The following PTP4A3 variants were observed in gnomAD, a reference collection of about 807,000 sequenced individuals.
The protein encoded by PTP4A3 is protein tyrosine phosphatase type IVA 3.
A neutral mutation model predicts 15.2 loss-of-function variants in PTP4A3; 9 were observed. That is an observed-to-expected ratio of 0.59 (90% CI 0.36 to 1.03). PTP4A3 has a LOEUF of 1.03. PTP4A3 is among the 50% of genes least tolerant of loss of function. PTP4A3 has a pLI of 0.02. For synonymous variants in PTP4A3, 95 were observed against 102.0 expected (o/e 0.93, Z 0.41); for missense variants, 234 against 252.1 (o/e 0.93, Z 0.49).
intron 1 of PTP4A3, among the ~76,000 whole-genome samples, chr8:141,405,525 T>C (rs1461616713): frequency 6.6e-6 from 1 of 152,190 alleles, no homozygotes; most frequent in Non-Finnish European, 1.5e-5. Context: ...CCTTTCTTCA[T>C]CCTCAGCATC....
At chr8:141,424,814 G>A (rs913319877) in intron 2 of PTP4A3, among the ~76,000 whole-genome samples, 2 of 152,072 alleles carry the variant, frequency 1.3e-5, no homozygotes, top group African/African-American at 4.8e-5. Flanking sequence ...ACTGCATCAG[G>A]GTCTGCCTGG....
chr8:141,417,691 C>T (rs1044143066), intron 1 of PTP4A3, among the ~76,000 whole-genome samples: 2 of 152,118 alleles, frequency 1.3e-5, no homozygotes, highest in South Asian at 4.1e-4. Flanking sequence ...GGGTCCCGGG[C>T]GGCAGCGCCC....
At chr8:141,398,086 T>C (rs961759697) in intron 1 of PTP4A3, among the ~76,000 whole-genome samples, 2 of 152,036 alleles carry the variant, frequency 1.3e-5, no homozygotes, top group African/African-American at 4.8e-5. Context: ...GGCCCAGTGG[T>C]GTTGGGATGG....
At chr8:141,421,104 C>T (rs926916361) in intron 1 of PTP4A3, among the ~76,000 whole-genome samples, 1 of 152,188 alleles carries the variant, frequency 6.6e-6, no homozygotes, top group Non-Finnish European at 1.5e-5. Context: ...GTGTGTGTGT[C>T]CCTGAAATCC....
At chr8:141,408,356 C>T (rs1328411412) in intron 1 of PTP4A3, among the ~76,000 whole-genome samples, 3 of 152,234 alleles carry the variant, frequency 2.0e-5, no homozygotes, top group Admixed American at 6.5e-5. Context: ...TGGTGGCTCA[C>T]GCCTGTAATC....
chr8:141,430,199 G>A (rs1282836567), intron 5 of PTP4A3, among the ~76,000 whole-genome samples: 1 of 150,098 alleles, frequency 6.7e-6, no homozygotes, highest in African/African-American at 2.5e-5. Context: ...AGGACCAGGT[G>A]GCGGGGACAG....
rs548133419 is a variant in PTP4A3 at position 141,411,703 on chromosome 8, G to A, written c.-853-9685G>A. On this transcript the variant is annotated intron_variant, in intron 1 of 5. Coordinates refer to ENST00000521578, the MANE Select transcript of PTP4A3 (RefSeq NM_032611.3). Reference sequence around the variant, plus strand: ...TCTGACGTGCGTCCACTAGAGCCTCGGCCAGTGGCCCTGGCTAGCTCCATG... The same window carrying A: ...TCTGACGTGCGTCCACTAGAGCCTCAGCCAGTGGCCCTGGCTAGCTCCATG... Among the ~76,000 whole-genome samples the A allele has an allele frequency of 1.2e-4, 19 of 152,244 alleles. 1 individual carries two copies. In the South Asian group the frequency reaches 3.7e-3, roughly 30 times the overall value.
At chr8:141,402,684 C>T (rs1264564893) in intron 1 of PTP4A3, among the ~76,000 whole-genome samples, 6 of 151,950 alleles carry the variant, frequency 3.9e-5, no homozygotes, top group Admixed American at 6.5e-5. Context: ...ACCCCTCTTC[C>T]CCTCCCCCAT....
intron 2 of PTP4A3, among the ~76,000 whole-genome samples, chr8:141,424,302 C>T (rs915943637): frequency 3.3e-5 from 5 of 152,194 alleles, no homozygotes; most frequent in African/African-American, 1.2e-4. Context: ...AGTGGATCCT[C>T]CGCAGTGGGG....
chr8:141,425,246 C>T lies in PTP4A3; in HGVS notation c.198+106C>T, dbSNP rs1327990090. The T allele has an allele frequency of 7.7e-6, 9 of 1,173,710 alleles. No homozygotes were observed. Among genetic ancestry groups the T allele is most frequent in the African/African-American group, 1.5e-5 (1 of 66,028 alleles). 72.7% of individuals were successfully genotyped at this position (1,173,710 alleles called of 1,614,324 possible). On this transcript the variant is annotated intron_variant, in intron 3 of 5. Coordinates refer to ENST00000521578, the MANE Select transcript of PTP4A3 (RefSeq NM_032611.3). This position sits in a 1 kb window ranked among gnomAD's most constrained non-coding sequence, Gnocchi z 4.2. Reference sequence around the variant, plus strand: ...GGTTTGGTGCCCCTCCTGTGGCAGCCCTGGGCATGTCTGTGCCTGGGCCAC... The same window carrying T: ...GGTTTGGTGCCCCTCCTGTGGCAGCTCTGGGCATGTCTGTGCCTGGGCCAC...
chr8:141,396,821 G>A (rs941036084), intron 1 of PTP4A3, among the ~76,000 whole-genome samples: 1 of 152,214 alleles, frequency 6.6e-6, no homozygotes, highest in Admixed American at 6.5e-5. Flanking sequence ...GGGGCTGCAT[G>A]TGTGGAGCCG....
rs147816512 is a variant in PTP4A3, at chr8:141,406,576, A to G, written c.-854+14492A>G. 3.4e-4 allele frequency among the ~76,000 whole-genome samples: 51 copies of G among 151,264 alleles called. No individual in the cohort carries two copies. Among genetic ancestry groups the G allele is most frequent in the African/African-American group, 1.1e-3 (45 of 41,114 alleles). Reference sequence around the variant, plus strand: ...CTGCTCTGTTGGACCAATTAGGCCAACTCTGGGGATATGTGACCCCAGTGT... The same window carrying G: ...CTGCTCTGTTGGACCAATTAGGCCAGCTCTGGGGATATGTGACCCCAGTGT... On this transcript the variant is annotated intron_variant, in intron 1 of 5. Transcript: ENST00000521578. This position sits in a 1 kb window ranked among gnomAD's most constrained non-coding sequence, Gnocchi z 4.5.
chr8:141,430,910 T>G lies in PTP4A3; in HGVS notation c.405-17T>G. On this transcript the variant is annotated splice_polypyrimidine_tract_variant and intron_variant, in intron 5 of 5. Transcript: ENST00000521578. ...CAGGTCCTTGGATGATCTCTGTTCC[T>G]GTTCCCCTCTTCCCAGGAAGCGCCG... The G allele has an allele frequency of 6.2e-7, 1 of 1,611,956 alleles. No individual in the cohort carries two copies. The highest frequency in any genetic ancestry group is 8.5e-7 in the Non-Finnish European group (1 of 1,179,006).
chr8:141,399,303 A>G (rs1563723797), intron 1 of PTP4A3, among the ~76,000 whole-genome samples: 1 of 151,994 alleles, frequency 6.6e-6, no homozygotes, highest in South Asian at 2.1e-4. Flanking sequence ...CAAGGCAAAC[A>G]TCTTCTCCTT....
chr8:141,428,334 G>A (rs947539833), intron 5 of PTP4A3, among the ~76,000 whole-genome samples: 2 of 148,000 alleles, frequency 1.4e-5, no homozygotes, highest in Admixed American at 6.9e-5. Flanking sequence ...CAGCTCGCCT[G>A]CCCCATCCCT....
At position 141,404,216 on chromosome 8, in the gene PTP4A3, G is replaced by A. The variant is rs111589990; in HGVS notation, c.-854+12132G>A. On this transcript the variant is annotated intron_variant, in intron 1 of 5. Transcript: ENST00000521578. The stretch of plus-strand genomic sequence containing the variant: ...GAAAGGGAAGCGATTTTTTTTTCTC[G>A]TCAGCGTTATCACAAAACCACGTTG... Among the ~76,000 whole-genome samples the A allele has an allele frequency of 2.8e-3, 423 of 152,256 alleles. 3 individuals are homozygous for A. The highest frequency in any genetic ancestry group is 9.2e-3 in the African/African-American group (382 of 41,560).
chr8:141,415,765 T>TGGA (rs1833025651), intron 1 of PTP4A3, among the ~76,000 whole-genome samples: 1 of 3,780 alleles, frequency 2.6e-4, no homozygotes, highest in African/African-American at 8.2e-4. Flanking sequence ...GGGGAGAGGG[T>TGGA]GTGGGGTGGG....
intron 3 of PTP4A3, chr8:141,426,576 C>T (rs1034172137): frequency 6.1e-6 from 6 of 985,316 alleles, no homozygotes; most frequent in South Asian, 4.7e-5. Flanking sequence ...AGGCTGCCAC[C>T]GGCACACAGG....
intron 3 of PTP4A3, among the ~76,000 whole-genome samples, chr8:141,426,013 C>T (rs767142916): frequency 5.3e-5 from 8 of 152,180 alleles, no homozygotes; most frequent in Non-Finnish European, 7.4e-5. Context: ...GCACGGGGTG[C>T]GCCCACACCC....
Sources: allele counts gnomAD v4.1 joint callset (sites outside exome capture counted in the v4.1 genomes callset), GRCh38; gene constraint gnomAD v4.1.1; non-coding constraint Gnocchi (gnomAD v3.1); transcripts MANE v1.5; gene names NCBI Gene and HGNC (gene_info 2026-07-23, HGNC 2026-07-21).